OSBPL10: variants seen among roughly 807,000 people sequenced by gnomAD.
The protein encoded by OSBPL10 is oxysterol-binding protein-related protein 10.
A neutral mutation model predicts 81.7 loss-of-function variants in OSBPL10; 49 were observed. The ratio of observed to expected loss-of-function variants is 0.60; its 90% CI spans 0.48 to 0.76. The LOEUF is 0.76. Among genes scored for constraint, OSBPL10 ranks in the 30% least tolerant of loss-of-function variants. OSBPL10 has a pLI of 0.00. For missense variants in OSBPL10, 923 were observed against 987.8 expected (o/e 0.93, Z 0.88); for synonymous variants, 419 against 383.6 (o/e 1.09, Z -1.08).
intron 4 of OSBPL10, among the ~76,000 whole-genome samples, chr3:31,757,881 T>C (rs1276792749): frequency 1.3e-5 from 2 of 152,184 alleles, no homozygotes; most frequent in Non-Finnish European, 2.9e-5. Flanking sequence ...AAAATATGCC[T>C]CTTTGGCATA....
chr3:31,965,886 AACATATATT>A (rs1206118756), intron 1 of OSBPL10, among the ~76,000 whole-genome samples: 1 of 93,024 alleles, frequency 1.1e-5, no homozygotes, highest in African/African-American at 4.6e-5. Context: ...TAAAATAGAT[AACATATATT>A]ATATATTATA....
At chr3:31,939,470 A>C (rs1318562204) in intron 1 of OSBPL10, among the ~76,000 whole-genome samples, 1 of 151,060 alleles carries the variant, frequency 6.6e-6, no homozygotes, top group African/African-American at 2.4e-5. Flanking sequence ...AAAAAAAAAC[A>C]AAAAAATTCC....
intron 8 of OSBPL10, 49 bp from the exon 9 acceptor site, chr3:31,671,032 G>A: frequency 6.7e-7 from 1 of 1,495,072 alleles, no homozygotes. Context: ...TGTGAAGAGG[G>A]CACTGGGGAT....
At chr3:31,799,380 A>T (rs113885089) in intron 4 of OSBPL10, among the ~76,000 whole-genome samples, 88 of 15,734 alleles carry the variant, frequency 5.6e-3, no homozygotes, top group African/African-American at 0.017. Context: ...CTATCTCTTT[A>T]AAAAAAAAAA....
chr3:31,727,639 C>T (rs1696850051), intron 6 of OSBPL10, among the ~76,000 whole-genome samples: 1 of 152,176 alleles, frequency 6.6e-6, no homozygotes, highest in African/African-American at 2.4e-5. Context: ...ATACCTCACT[C>T]TTCAAACTGT....
intron 3 of OSBPL10, among the ~76,000 whole-genome samples, chr3:31,867,410 C>G (rs58402104): frequency 0.073 from 11,081 of 152,170 alleles, 788 homozygotes; most frequent in African/African-American, 0.17. Context: ...GGAAACACTT[C>G]CCTTTATTTT....
At chr3:32,040,918 CAG>C (rs1308317920) in intron 2 of OSBPL10, among the ~76,000 whole-genome samples, 4 of 152,272 alleles carry the variant, frequency 2.6e-5, no homozygotes, top group African/African-American at 9.6e-5. Flanking sequence ...CTTGCAGCTC[CAG>C]AGAGGTACAG....
chr3:31,697,395 G>C (rs1237686251), intron 7 of OSBPL10, among the ~76,000 whole-genome samples: 2 of 152,032 alleles, frequency 1.3e-5, no homozygotes, highest in Non-Finnish European at 2.9e-5. Context: ...AAAAATTGGG[G>C]GGGGGTTAGT....
chr3:32,059,240 G>C (rs1362420099), intron 1 of OSBPL10, among the ~76,000 whole-genome samples: 1 of 152,104 alleles, frequency 6.6e-6, no homozygotes, highest in Non-Finnish European at 1.5e-5. Flanking sequence ...AGGTTGCAGT[G>C]AGCCACGATC....
At chr3:31,826,773 G>A (rs985047944) in intron 4 of OSBPL10, among the ~76,000 whole-genome samples, 4 of 152,092 alleles carry the variant, frequency 2.6e-5, no homozygotes, top group African/African-American at 4.8e-5. Flanking sequence ...CAATTTGCTC[G>A]GATAGCTCCC....
At chr3:31,858,155 C>A (rs1368291207) in intron 3 of OSBPL10, among the ~76,000 whole-genome samples, 1 of 151,778 alleles carries the variant, frequency 6.6e-6, no homozygotes, top group Non-Finnish European at 1.5e-5. Context: ...AGCACGCCAC[C>A]ACACCAGGCT....
At chr3:31,996,837 T>C (rs150734644) in intron 2 of OSBPL10, among the ~76,000 whole-genome samples, 120 of 152,316 alleles carry the variant, frequency 7.9e-4, no homozygotes, top group African/African-American at 2.7e-3. Context: ...CAAGTATCTT[T>C]GGACAGGTAG....
At chr3:31,882,071 A>G (rs904252529) in intron 1 of OSBPL10, among the ~76,000 whole-genome samples, 1 of 152,170 alleles carries the variant, frequency 6.6e-6, no homozygotes, top group Admixed American at 6.5e-5. Flanking sequence ...TCCAACAGAG[A>G]TAATGAAGCT....
chr3:31,704,355 C>T (rs1039530444), intron 6 of OSBPL10: 6 of 152,350 alleles, frequency 3.9e-5, no homozygotes, highest in Middle Eastern at 3.2e-3. Context: ...GGTGCTATAG[C>T]TGCAACTTCC....
At chr3:31,721,817 T>C (rs1257200550) in intron 6 of OSBPL10, among the ~76,000 whole-genome samples, 1 of 152,186 alleles carries the variant, frequency 6.6e-6, no homozygotes, top group East Asian at 1.9e-4. Flanking sequence ...TACTATTGAG[T>C]GCCAGGCATT....
intron 4 of OSBPL10, among the ~76,000 whole-genome samples, chr3:31,783,936 A>C (rs1185656054): frequency 6.7e-6 from 1 of 148,410 alleles, no homozygotes; most frequent in Admixed American, 6.8e-5. Flanking sequence ...CTGCAGAAAA[A>C]GTACATTGTA....
At position 31,664,014 on chromosome 3, in the gene OSBPL10, C is replaced by A. The variant is rs557847206; in HGVS notation, c.2250+65G>T. The A allele has an allele frequency of 3.1e-5, 50 of 1,613,972 alleles. No homozygotes were observed. In the East Asian group the frequency reaches 1.0e-3, roughly 32 times the overall value. On this transcript the variant is annotated intron_variant, in intron 11 of 11. Coordinates refer to ENST00000396556, the MANE Select transcript of OSBPL10 (RefSeq NM_017784.5). ...AGTCTTGGGGGCTCAGCAAGAAAAA[C>A]CCATCTACCCTCTCAGGACAAGTTC...
At chr3:31,824,796 A>T (rs371502320) in intron 4 of OSBPL10, among the ~76,000 whole-genome samples, 1 of 152,054 alleles carries the variant, frequency 6.6e-6, no homozygotes, top group African/African-American at 2.4e-5. Flanking sequence ...TTGCCAGCGG[A>T]TATCTTGCAG....
intron 8 of OSBPL10, among the ~76,000 whole-genome samples, chr3:31,676,050 A>T (rs1700466694): frequency 6.6e-6 from 1 of 151,978 alleles, no homozygotes; most frequent in African/African-American, 2.4e-5. Context: ...GTAATACTGC[A>T]TAAGAGATAG....
Sources: gnomAD v4.1 joint callset for allele counts (sites outside exome capture counted in the v4.1 genomes callset) on GRCh38, gnomAD v4.1.1 for gene constraint, MANE v1.5 for transcripts, NCBI Gene and HGNC (gene_info 2026-07-23, HGNC 2026-07-21) for gene names.